Variants in ENOX1 observed in about 807,000 individuals in gnomAD.
ENOX1 encodes the protein candidate growth-related and time keeping constitutive hydroquinone (NADH) oxidase.
A neutral mutation model predicts 82.5 loss-of-function variants in ENOX1; 42 were observed. The observed-to-expected ratio is 0.51, with a 90% CI of 0.40 to 0.66. The LOEUF is 0.66. Among genes scored for constraint, ENOX1 ranks in the 30% least tolerant of loss-of-function variants. ENOX1 has a pLI of 0.00. For synonymous variants in ENOX1, 271 were observed against 282.2 expected (o/e 0.96, Z 0.40); for missense variants, 608 against 811.6 (o/e 0.75, Z 3.05).
chr13:43,241,113 C>T (rs1167145450), intron 14 of ENOX1, among the ~76,000 whole-genome samples: 1 of 152,146 alleles, frequency 6.6e-6, no homozygotes, highest in Non-Finnish European at 1.5e-5. Flanking sequence ...TTGGGGAACA[C>T]ATAAGGACAT....
At chr13:43,324,192 A>G (rs2047975108) in intron 10 of ENOX1, among the ~76,000 whole-genome samples, 1 of 152,232 alleles carries the variant, frequency 6.6e-6, no homozygotes, top group Non-Finnish European at 1.5e-5. Context: ...CTACTGACAA[A>G]GAGCCCAATT....
chr13:43,389,382 TA>T (rs2153580688), intron 5 of ENOX1, among the ~76,000 whole-genome samples: 1 of 152,346 alleles, frequency 6.6e-6, no homozygotes, highest in East Asian at 1.9e-4. Flanking sequence ...TAGTAAAAGT[TA>T]AAATTATTTT....
At chr13:43,570,771 G>A (rs1428916202) in intron 2 of ENOX1, among the ~76,000 whole-genome samples, 1 of 152,272 alleles carries the variant, frequency 6.6e-6, no homozygotes, top group East Asian at 1.9e-4. Flanking sequence ...GGTGAGAAGT[G>A]GAGGGGAAGA....
chr13:43,664,946 A>C (rs1235600851), intron 2 of ENOX1, among the ~76,000 whole-genome samples: 1 of 152,206 alleles, frequency 6.6e-6, no homozygotes, highest in African/African-American at 2.4e-5. Context: ...CAATGCTATC[A>C]GTTGGCCATA....
At chr13:43,535,514 T>C (rs2078421166) in intron 2 of ENOX1, among the ~76,000 whole-genome samples, 1 of 152,162 alleles carries the variant, frequency 6.6e-6, no homozygotes, top group African/African-American at 2.4e-5. Flanking sequence ...AGGCACTTTG[T>C]AGCAAAGAGT....
At position 43,386,656 on chromosome 13, in the gene ENOX1, A is replaced by C. The variant is rs115569212; in HGVS notation, c.209-25204T>G. On this transcript the variant is annotated intron_variant, in intron 5 of 16. Transcript: ENST00000690772. ...GGTAAGCATTGTGTTTGAACGATTA[A>C]AAAATCAGAAATAAAATTACTTTTT... is the stretch of plus-strand genomic sequence containing the variant. 2.5e-3 allele frequency among the ~76,000 whole-genome samples: 388 copies of C among 152,352 alleles called. 1 individual carries two copies. The highest frequency in any genetic ancestry group is 8.9e-3 in the African/African-American group (370 of 41,578).
In ENOX1 at chr13:43,694,222, TA is replaced by T. The variant is rs1457421500; in HGVS notation, c.-284-26679del. ...ATGGTAAAATCATGGAAATTAAACT[TA>T]GGGGAAAAAAAAAAAAACAGAGAGA... On this transcript the variant is annotated intron_variant, in intron 1 of 16. Transcript: ENST00000690772. Among the ~76,000 whole-genome samples the T allele has an allele frequency of 2.5e-4, 4 of 16,056 alleles. No individual in the cohort carries two copies. In the East Asian group the frequency reaches 0.011, roughly 44 times the overall value. 10.5% of individuals were successfully genotyped at this position (16,056 alleles called of 152,430 possible).
At chr13:43,669,933 C>A (rs184339277) in intron 1 of ENOX1, among the ~76,000 whole-genome samples, 1 of 152,260 alleles carries the variant, frequency 6.6e-6, no homozygotes, top group East Asian at 1.9e-4. Context: ...ACATACTAGA[C>A]CAAAGGTTTC....
chr13:43,326,345 T>C, intron 10 of ENOX1, 74 bp downstream of exon 10: 1 of 1,309,712 alleles, frequency 7.6e-7, no homozygotes, highest in Non-Finnish European at 1.1e-6. Context: ...GAAACCATCA[T>C]GGCTGCAGCC....
At chr13:43,391,206 G>A (rs2052754932) in intron 5 of ENOX1, among the ~76,000 whole-genome samples, 2 of 152,140 alleles carry the variant, frequency 1.3e-5, no homozygotes, top group African/African-American at 2.4e-5. Context: ...ATCCCGTAAC[G>A]TTGCACACTT....
chr13:43,579,479 A>G lies in ENOX1; in HGVS notation c.-219+88000T>C, dbSNP rs539369002. Among the ~76,000 whole-genome samples the G allele has an allele frequency of 2.0e-5, 3 of 152,346 alleles. No homozygotes were observed. In the South Asian group the frequency reaches 6.2e-4, roughly 32 times the overall value. On this transcript the variant is annotated intron_variant, in intron 2 of 16. Transcript: ENST00000690772. Reference sequence around the variant, plus strand: ...CTTCCCAGATGCAAAGACAATGAGCATTTCAGTCTCCAATATCCAGCAGAT... The same window carrying G: ...CTTCCCAGATGCAAAGACAATGAGCGTTTCAGTCTCCAATATCCAGCAGAT...
chr13:43,772,139 T>G (rs960065454), intron 1 of ENOX1, among the ~76,000 whole-genome samples: 1 of 152,020 alleles, frequency 6.6e-6, no homozygotes, highest in Non-Finnish European at 1.5e-5. Context: ...TTCCATCAGT[T>G]CCAAAGTTAA....
intron 1 of ENOX1, among the ~76,000 whole-genome samples, chr13:43,771,191 G>A (rs1437820573): frequency 6.6e-6 from 1 of 152,130 alleles, no homozygotes; most frequent in Non-Finnish European, 1.5e-5. Flanking sequence ...AAGGCGGGAG[G>A]GCAGAGGCAT....
intron 5 of ENOX1, among the ~76,000 whole-genome samples, chr13:43,403,469 G>A (rs540493252): frequency 2.5e-4 from 38 of 152,306 alleles, no homozygotes; most frequent in Admixed American, 7.2e-4. Context: ...AGTGATGTCA[G>A]TTACCTTATA....
Position 43,355,844 on chromosome 13 carries a change from C to T in ENOX1, c.823+75G>A, listed in dbSNP as rs140016721. 2,664 of 1,399,172 alleles carry T rather than the reference C, an allele frequency of 1.9e-3. 6 individuals carry two copies. The highest frequency in any genetic ancestry group is 2.6e-3 in the Middle Eastern group (12 of 4,612). The allele number at this position is 1,399,172 out of a possible 1,614,324, so 86.7% of individuals were successfully genotyped here. On this transcript the variant is annotated intron_variant, in intron 8 of 16. Coordinates refer to ENST00000690772, the MANE Select transcript of ENOX1 (RefSeq NM_001347969.2). ...ATTGTGCTGAAGGGACAATGGTGGA[C>T]GCAGGAGAAACGCACAGGGTTCCGT...
At chr13:43,640,419 T>C (rs2083585564) in intron 2 of ENOX1, among the ~76,000 whole-genome samples, 1 of 152,188 alleles carries the variant, frequency 6.6e-6, no homozygotes, top group Admixed American at 6.6e-5. Context: ...AATGCTGTTA[T>C]TGCATCCAGC....
intron 1 of ENOX1, among the ~76,000 whole-genome samples, chr13:43,749,663 A>T (rs886294257): frequency 2.6e-5 from 4 of 152,248 alleles, no homozygotes; most frequent in South Asian, 2.1e-4. Context: ...CTCTGAGAAT[A>T]TGACTGATGT....
chr13:43,415,020 T>G (rs1433634284), intron 3 of ENOX1, among the ~76,000 whole-genome samples: 2 of 152,174 alleles, frequency 1.3e-5, no homozygotes, highest in African/African-American at 4.8e-5. Context: ...GGGCATCAAG[T>G]GTCCTGGAGA....
intron 2 of ENOX1, among the ~76,000 whole-genome samples, chr13:43,611,285 T>C (rs545994874): frequency 6.6e-6 from 1 of 152,274 alleles, no homozygotes; most frequent in Non-Finnish European, 1.5e-5. Flanking sequence ...TGTTAGGCAT[T>C]AAGAATTACA....
Sources: allele counts gnomAD v4.1 joint callset (sites outside exome capture counted in the v4.1 genomes callset), GRCh38; gene constraint gnomAD v4.1.1; transcripts MANE v1.5; gene names NCBI Gene and HGNC (gene_info 2026-07-23, HGNC 2026-07-21).